SCAMP4: variants seen among roughly 807,000 people sequenced by gnomAD.
SCAMP4 encodes the protein secretory carrier-associated membrane protein 4.
In SCAMP4, 19 loss-of-function variants were observed where a neutral mutation model predicts 32.1. The ratio of observed to expected loss-of-function variants is 0.59; its 90% CI spans 0.41 to 0.87. The LOEUF (loss-of-function observed/expected upper bound fraction) is 0.87. Ranked by LOEUF, SCAMP4 falls within the 40% of genes least tolerant of loss-of-function variation. The pLI is 0.00. For synonymous variants in SCAMP4, 152 were observed against 132.7 expected (o/e 1.15, Z -1.00); for missense variants, 302 against 309.0 (o/e 0.98, Z 0.17).
At chr19:1,912,915 G>A in intron 1 of SCAMP4, 2 of 1,609,602 alleles carry the variant, frequency 1.2e-6, no homozygotes, top group Non-Finnish European at 1.7e-6. Context: ...AGACGAGGAC[G>A]GCCTCCCCTA....
At chr19:1,912,254 G>C (rs2013498669) in intron 1 of SCAMP4, 2 of 1,597,386 alleles carry the variant, frequency 1.3e-6, no homozygotes, top group Non-Finnish European at 1.7e-6. Flanking sequence ...TCCTGGACAA[G>C]CGCCAGACCT....
intron 1 of SCAMP4, chr19:1,912,865 C>G (rs267605366): frequency 3.1e-6 from 5 of 1,600,334 alleles, no homozygotes; most frequent in Non-Finnish European, 4.2e-6. Flanking sequence ...GCCGCTGCCC[C>G]CCAGGCCGTC....
chr19:1,922,660 G>T (rs1335793783), intron 5 of SCAMP4: 2 of 987,992 alleles, frequency 2.0e-6, no homozygotes, highest in Non-Finnish European at 2.4e-6. Flanking sequence ...AGTTGCCGTA[G>T]GCTGGGTTCT....
chr19:1,912,661 C>T (rs2145438183), intron 1 of SCAMP4: 1 of 1,434,922 alleles, frequency 7.0e-7, no homozygotes, highest in Non-Finnish European at 9.1e-7. Flanking sequence ...CGGGCAGCAG[C>T]GCGGGGCTTG....
intron 1 of SCAMP4, among the ~76,000 whole-genome samples, chr19:1,911,136 A>G (rs530084582): frequency 6.6e-6 from 1 of 151,510 alleles, no homozygotes; most frequent in African/African-American, 2.4e-5. Flanking sequence ...CGGCCTCCCA[A>G]AGTGCTAGGA....
chr19:1,912,595 C>G (rs139117131), intron 1 of SCAMP4: 1 of 1,489,538 alleles, frequency 6.7e-7, no homozygotes, highest in Non-Finnish European at 8.9e-7. Flanking sequence ...CTCTTCTCCA[C>G]GCAGGAGCGC....
intron 5 of SCAMP4, chr19:1,922,613 G>T: frequency 1.0e-6 from 1 of 985,684 alleles, no homozygotes; most frequent in South Asian, 4.7e-5. Context: ...TCCCGGACAT[G>T]CGGATGTAGG....
In SCAMP4 at chr19:1,910,778, T is replaced by C. The variant is rs563708640; in HGVS notation, c.-41-4201T>C. ...TTTTAGTAGAGATGGGGTTTCACCA[T>C]GTTGGTCAGGCTGGTCTCGATCTCG... On this transcript the variant is annotated intron_variant, in intron 1 of 6. Transcript: ENST00000316097. Among the ~76,000 whole-genome samples the C allele has an allele frequency of 8.6e-4, 131 of 151,776 alleles. 2 individuals carry two copies. The highest frequency in any genetic ancestry group is 8.6e-3 in the Admixed American group (131 of 15,214).
At chr19:1,912,796 G>C in intron 1 of SCAMP4, 1 of 1,574,152 alleles carries the variant, frequency 6.4e-7, no homozygotes, top group Non-Finnish European at 8.6e-7. Context: ...CTCGTGGCGC[G>C]CGGCCAGGGC....
chr19:1,913,259 G>T, intron 1 of SCAMP4: 2 of 1,412,126 alleles, frequency 1.4e-6, no homozygotes, highest in Non-Finnish European at 1.9e-6. Context: ...GGATTTCAGG[G>T]ACACATACCG....
intron 5 of SCAMP4, among the ~76,000 whole-genome samples, chr19:1,919,890 A>G (rs995345470): frequency 6.0e-5 from 9 of 150,624 alleles, no homozygotes; most frequent in African/African-American, 2.2e-4. Flanking sequence ...GCTCACTGCA[A>G]CCTTCACCTC....
chr19:1,905,984 A>G (rs1021832236), intron 1 of SCAMP4: 12 of 152,308 alleles, frequency 7.9e-5, no homozygotes, highest in Admixed American at 4.6e-4. Context: ...TCTCCCACAC[A>G]CTACCCCGAG....
At chr19:1,907,209 A>T (rs1052775455) in intron 1 of SCAMP4, 3 of 150,036 alleles carry the variant, frequency 2.0e-5, no homozygotes, top group Non-Finnish European at 3.0e-5. Context: ...CCCCACGCAG[A>T]CTATTGGTGT....
In SCAMP4 at chr19:1,924,567, T is replaced by TGTG; in HGVS notation, c.*284_*285insTGG. 2.2e-6 allele frequency: 1 copy of TGTG among 461,516 alleles called. No homozygotes were observed. The highest frequency in any genetic ancestry group is 2.3e-5 in the South Asian group (1 of 42,606). 28.6% of individuals were successfully genotyped at this position (461,516 alleles called of 1,614,324 possible). A position where few individuals can be genotyped will look rare whatever the true frequency, so the allele number is the denominator to read the frequency against. The stretch of plus-strand genomic sequence containing the variant: ...AAACGTGTGGTCACCCGCCGTCCAC[T>TGTG]GCACGGCTGGTACGGCCTTGTCTTC... On this transcript the variant is annotated 3_prime_UTR_variant, in exon 7 of 7. Coordinates refer to ENST00000316097, the MANE Select transcript of SCAMP4 (RefSeq NM_079834.4).
chr19:1,922,258 T>C, intron 5 of SCAMP4: 1 of 985,252 alleles, frequency 1.0e-6, no homozygotes, highest in Non-Finnish European at 1.2e-6. Flanking sequence ...AAGCAGTGCT[T>C]TCCCTCGTTT....
At chr19:1,918,536 C>T (rs1251955310) in intron 4 of SCAMP4, 9 of 524,884 alleles carry the variant, frequency 1.7e-5, no homozygotes, top group South Asian at 2.7e-5. Flanking sequence ...CCGAGGCAGG[C>T]GGATCACCTG....
intron 1 of SCAMP4, chr19:1,912,608 C>A: frequency 6.7e-7 from 1 of 1,481,834 alleles, no homozygotes; most frequent in Non-Finnish European, 8.9e-7. Context: ...AGGAGCGCGC[C>A]GCCATGCAGA....
intron 1 of SCAMP4, 188 bp downstream of exon 1, chr19:1,905,627 T>TGCGCGTGCGC (rs2013065372): frequency 6.2e-6 from 1 of 161,110 alleles, no homozygotes; most frequent in Admixed American, 6.6e-5. Context: ...GCGGCGCGAA[T>TGCGCGTGCGC]GCGCGTGCGC....
intron 5 of SCAMP4, chr19:1,921,835 A>C: frequency 2.0e-6 from 2 of 984,486 alleles, no homozygotes; most frequent in Non-Finnish European, 2.4e-6. Flanking sequence ...AAAAAGAGGA[A>C]GGAATGACCC....
Sources: gnomAD v4.1 joint callset for allele counts (sites outside exome capture counted in the v4.1 genomes callset) on GRCh38, gnomAD v4.1.1 for gene constraint, MANE v1.5 for transcripts, NCBI Gene and HGNC (gene_info 2026-07-23, HGNC 2026-07-21) for gene names.